CLSPN: variants seen among roughly 807,000 people sequenced by gnomAD.
The protein encoded by CLSPN is claspin homolog.
A neutral mutation model predicts 156.3 loss-of-function variants in CLSPN; 85 were observed. That is an observed-to-expected ratio of 0.54 (90% CI 0.46 to 0.65). The LOEUF (loss-of-function observed/expected upper bound fraction) is 0.65. CLSPN is among the 30% of genes least tolerant of loss of function. The pLI, the probability that CLSPN is intolerant of heterozygous loss-of-function variation, is 0.00. For missense variants in CLSPN, 1,407 were observed against 1,554.9 expected (o/e 0.90, Z 1.60); for synonymous variants, 534 against 542.4 (o/e 0.98, Z 0.22).
intron 24 of CLSPN, among the ~76,000 whole-genome samples, chr1:35,723,049 C>T (rs935647658): frequency 2.0e-5 from 3 of 152,060 alleles, no homozygotes; most frequent in Non-Finnish European, 4.4e-5. Context: ...GAGCTCAAAA[C>T]CTGAAGAAAA....
At chr1:35,741,563 G>A (rs111518866) in intron 18 of CLSPN, among the ~76,000 whole-genome samples, 3 of 152,156 alleles carry the variant, frequency 2.0e-5, no homozygotes, top group South Asian at 4.2e-4. Flanking sequence ...TGATCCACCC[G>A]CCTCAGCTTC....
intron 8 of CLSPN, among the ~76,000 whole-genome samples, chr1:35,755,153 G>A (rs1446786923): frequency 6.6e-6 from 1 of 152,124 alleles, no homozygotes; most frequent in Non-Finnish European, 1.5e-5. Context: ...GAGTGCAGTG[G>A]TGCAATCTTG....
In CLSPN at chr1:35,743,256, T is replaced by A. The variant is rs780700638; in HGVS notation, c.3043-15A>T. 6.3e-7 allele frequency: 1 copy of A among 1,595,742 alleles called. No individual in the cohort carries two copies. The highest frequency in any genetic ancestry group is 8.6e-7 in the Non-Finnish European group (1 of 1,163,992). On this transcript the variant is annotated splice_polypyrimidine_tract_variant and intron_variant, in intron 17 of 24. Coordinates refer to ENST00000318121, the MANE Select transcript of CLSPN (RefSeq NM_022111.4). ...CTGTGTTCATCCTACAAAATCAGCA[T>A]CATATCCAAATTAAGCAGAATAAAA...
chr1:35,737,567 T>C (rs1427088000), intron 22 of CLSPN, 146 bp from the exon 23 acceptor site: 2 of 599,054 alleles, frequency 3.3e-6, no homozygotes, highest in Non-Finnish European at 5.8e-6. Context: ...TTTCAAACTA[T>C]AATAATTGGC....
intron 8 of CLSPN, among the ~76,000 whole-genome samples, chr1:35,758,785 G>C (rs1642375349): frequency 6.8e-6 from 1 of 146,588 alleles, no homozygotes; most frequent in African/African-American, 2.5e-5. Context: ...AAGTCATATA[G>C]TGCTTTTTTC....
intron 4 of CLSPN, among the ~76,000 whole-genome samples, chr1:35,762,726 G>A (rs564417963): frequency 4.6e-5 from 7 of 151,918 alleles, no homozygotes; most frequent in Admixed American, 1.3e-4. Flanking sequence ...ATAATAACTC[G>A]CAGGAAGCTA....
chr1:35,741,366 T>G lies in CLSPN; in HGVS notation c.3143+1775A>C, dbSNP rs562689585. Among the ~76,000 whole-genome samples the G allele has an allele frequency of 2.0e-5, 3 of 152,302 alleles. No individual in the cohort carries two copies. In the South Asian group the frequency reaches 6.2e-4, roughly 32 times the overall value. The stretch of plus-strand genomic sequence containing the variant: ...ATGGAGTTTCTCTCGTCGCCCAGGC[T>G]GGAATGCAATGGCACAATCTCAGCT... On this transcript the variant is annotated intron_variant, in intron 18 of 24. Transcript: ENST00000318121.
intron 24 of CLSPN, among the ~76,000 whole-genome samples, chr1:35,721,475 C>T (rs1557490167): frequency 6.6e-6 from 1 of 152,148 alleles, no homozygotes; most frequent in Non-Finnish European, 1.5e-5. Flanking sequence ...GCAACCTCCG[C>T]CTCCCAGGTT....
intron 1 of CLSPN, among the ~76,000 whole-genome samples, chr1:35,769,398 A>G (rs1318364593): frequency 1.3e-5 from 2 of 152,150 alleles, no homozygotes; most frequent in Non-Finnish European, 2.9e-5. Context: ...GGCCCCTCCC[A>G]GGCCCAGTGT....
At chr1:35,767,184 A>G (rs958912268) in intron 1 of CLSPN, among the ~76,000 whole-genome samples, 6 of 152,342 alleles carry the variant, frequency 3.9e-5, no homozygotes, top group African/African-American at 1.2e-4. Flanking sequence ...CAAAAAACTA[A>G]AAATGTAAAT....
chr1:35,753,483 T>G (rs1642163432), intron 9 of CLSPN, among the ~76,000 whole-genome samples: 1 of 152,136 alleles, frequency 6.6e-6, no homozygotes, highest in Non-Finnish European at 1.5e-5. Flanking sequence ...GATAGAAGAT[T>G]AAGTTTTTCA....
Position 35,748,507 on chromosome 1 carries a change from G to C in CLSPN, c.2370C>G (p.Asn790Lys), listed in dbSNP as rs780523039. Reference protein sequence around the residue: ...GSTIPSYQPCNRQTGRGTSFF... With the variant: ...GSTIPSYQPCKRQTGRGTSFF... ...AACTGGTCCCACGGCCTGTTTGTCT[G>C]TTGCAAGGCTGATAGGATGGAATCG... Residue 790 changes from asparagine (N) to lysine (K), a missense_variant, in exon 13 of 25, where the codon AAC becomes AAG. Around this residue, in one of 3 missense-constraint regions of CLSPN, gnomAD observed 1,096 missense variants for 1,193.0 expected, o/e 0.92. Coordinates refer to ENST00000318121, the MANE Select transcript of CLSPN (RefSeq NM_022111.4). The C allele has an allele frequency of 1.2e-6, 2 of 1,614,028 alleles. No individual in the cohort carries two copies. Among genetic ancestry groups the C allele is most frequent in the Non-Finnish European group, 1.7e-6 (2 of 1,179,986 alleles).
At chr1:35,726,175 A>AAAAAAAAAAACAAAT (rs1641184674) in intron 24 of CLSPN, among the ~76,000 whole-genome samples, 1 of 148,168 alleles carries the variant, frequency 6.7e-6, no homozygotes, top group Non-Finnish European at 1.5e-5. Flanking sequence ...AAAAAAAAAA[A>AAAAAAAAAAACAAAT]GCGCATAGCA....
rs1375649702 is a variant in CLSPN at position 35,749,472 on chromosome 1, T to A, written c.2267A>T (p.Lys756Ile). The change falls in exon 12 of 25, where the codon AAA becomes ATA. Residue 756 changes from lysine (K) to isoleucine (I), a missense_variant. Physicochemically the swap from Lys to Ile is moderately radical, Grantham distance 102 (BLOSUM62 -3). Transcript: ENST00000318121. ...TDENSGKQPS[K>I]LDEDDSCSLL... ...GCACAAGAATCACTACTTACCCAGT[T>A]TGCTAGGCTGCTTGCCTGAGTTTTC... The A allele has an allele frequency of 1.9e-6, 3 of 1,613,996 alleles. No homozygotes were observed. In the East Asian group the frequency reaches 6.7e-5, roughly 36 times the overall value.
intron 2 of CLSPN, 40 bp from the exon 3 acceptor site, chr1:35,764,754 A>G: frequency 7.4e-7 from 1 of 1,345,796 alleles, no homozygotes; most frequent in Non-Finnish European, 1.0e-6. Flanking sequence ...CCATCATTTG[A>G]TCTTCCTCCT....
rs772592580 is a variant in CLSPN, at chr1:35,760,816, T to C, written c.1105A>G (p.Thr369Ala). 1 of 1,613,856 alleles carries C rather than the reference T, an allele frequency of 6.2e-7. No individual in the cohort carries two copies. The highest frequency in any genetic ancestry group is 8.5e-7 in the Non-Finnish European group (1 of 1,179,986). ...GTTTCCACTTCATTTTCTGCACCTG[T>C]TGTCTGCTCAGAACCTTTACTATGG... ...DHHSKGSEQT[T>A]GAENEVETNA... The change falls in exon 8 of 25, where the codon ACA becomes GCA. Residue 369 changes from threonine to alanine, a missense_variant. This residue lies in a region of CLSPN where 1,096 missense variants were observed against 1,193.0 expected (regional missense o/e 0.92). Transcript: ENST00000318121.
intron 21 of CLSPN, 132 bp from the exon 22 acceptor site, chr1:35,738,229 C>T (rs1028102689): frequency 4.8e-6 from 3 of 626,680 alleles, no homozygotes; most frequent in African/African-American, 1.9e-5. Flanking sequence ...TTCCTTTTTG[C>T]AGCCTTTGCT....
In CLSPN at chr1:35,748,600, C is replaced by T; in HGVS notation, c.2277G>A (p.Glu759=). 1.2e-6 allele frequency: 2 copies of T among 1,613,552 alleles called. No individual in the cohort carries two copies. Among genetic ancestry groups the T allele is most frequent in the South Asian group, 2.2e-5 (2 of 91,064 alleles). ...NSGKQPSKLD[E]DDSCSLLTKE... is the part of the protein sequence containing the mutation. ...TTGTTAGCAATGAACATGAATCATC[C>T]TCATCTAAAGAAAGAGAAACACCTT... Residue 759 remains glutamate (E), a synonymous_variant, in exon 13 of 25, where the codon GAG becomes GAA. Coordinates refer to ENST00000318121, the MANE Select transcript of CLSPN (RefSeq NM_022111.4).
At chr1:35,737,468 A>T (rs1343887749) in intron 22 of CLSPN, 47 bp from the exon 23 acceptor site, 3 of 1,434,840 alleles carry the variant, frequency 2.1e-6, no homozygotes, top group Non-Finnish European at 2.9e-6. Context: ...AGCTGATTAG[A>T]ATTACTTTTA....
Sources: allele counts gnomAD v4.1 joint callset (sites outside exome capture counted in the v4.1 genomes callset), GRCh38; gene constraint gnomAD v4.1.1; regional missense constraint gnomAD v4.1.1; transcripts MANE v1.5; gene names NCBI Gene and HGNC (gene_info 2026-07-23, HGNC 2026-07-21).